The following RSPH9 variants were observed in gnomAD, a reference collection of about 807,000 sequenced individuals.
RSPH9 encodes radial spoke head protein 9 homolog.
RSPH9 carries 27 observed loss-of-function variants against 27.0 expected under a neutral mutation model. That is an observed-to-expected ratio of 1.00 (90% CI 0.74 to 1.38). The LOEUF (loss-of-function observed/expected upper bound fraction) is 1.38, where lower values mean the gene tolerates loss of function less well. Ranked by LOEUF, RSPH9 falls within the 40% of genes most tolerant of loss-of-function variation. RSPH9 has a pLI of 0.00. For missense variants in RSPH9, 347 were observed against 357.4 expected (o/e 0.97, Z 0.24); for synonymous variants, 145 against 147.7 (o/e 0.98, Z 0.13).
intron 1 of RSPH9, among the ~76,000 whole-genome samples, chr6:43,649,065 G>A (rs1771173613): frequency 6.6e-6 from 1 of 152,146 alleles, no homozygotes; most frequent in Non-Finnish European, 1.5e-5. Context: ...TTGTTGTTCT[G>A]AGATTATTGT....
At position 43,645,051 on chromosome 6, in the gene RSPH9, C is replaced by T; in HGVS notation, c.-48C>T. ...GCGGAGCTTCAGGTCTCCATGGAGG[C>T]GGCTTCTCCTAGCAACTCGACGGGC... On this transcript the variant is annotated 5_prime_UTR_variant, in exon 1 of 5. Transcript: ENST00000372163. 6.6e-7 allele frequency: 1 copy of T among 1,525,030 alleles called. No individual in the cohort carries two copies. The highest frequency in any genetic ancestry group is 9.0e-7 in the Non-Finnish European group (1 of 1,109,864). 94.5% of individuals were successfully genotyped at this position (1,525,030 alleles called of 1,614,324 possible).
intron 2 of RSPH9, among the ~76,000 whole-genome samples, chr6:43,651,476 A>C (rs1193621703): frequency 6.6e-6 from 1 of 152,118 alleles, no homozygotes; most frequent in Non-Finnish European, 1.5e-5. Context: ...GAATATAGTA[A>C]AGTTTCCTCC....
rs1464417910 is a variant in RSPH9, at chr6:43,645,246, A to G, written c.148A>G (p.Ile50Val). 6.2e-7 allele frequency: 1 copy of G among 1,614,052 alleles called. No homozygotes were observed. The highest frequency in any genetic ancestry group is 1.1e-5 in the South Asian group (1 of 91,084). ...RYDRVLFWGR[I>V]LGLVADYYIA... Reference sequence around the variant, plus strand: ...TGATCGGGTTCTCTTCTGGGGCCGCATCCTTGGCCTCGTCGCCGATTACTA... The same window carrying G: ...TGATCGGGTTCTCTTCTGGGGCCGCGTCCTTGGCCTCGTCGCCGATTACTA... Residue 50 changes from isoleucine (I) to valine (V), a missense_variant, in exon 1 of 5, where the codon ATC (isoleucine) becomes GTC (valine). Coordinates refer to ENST00000372163, the MANE Select transcript of RSPH9 (RefSeq NM_152732.5).
At position 43,653,600 on chromosome 6, in the gene RSPH9, C is replaced by T. The variant is rs531309423; in HGVS notation, c.394-1962C>T. On this transcript the variant is annotated intron_variant, in intron 2 of 4. Coordinates refer to ENST00000372163, the MANE Select transcript of RSPH9 (RefSeq NM_152732.5). ...CCCAGAATTCAAAGCACAGCTGTTG[C>T]ACTTGAACCTGGGTGATGCCGAAAG... Among the ~76,000 whole-genome samples the T allele has an allele frequency of 2.1e-4, 32 of 152,274 alleles. No individual in the cohort carries two copies. The Middle Eastern group carries it at 0.01, about 49-fold the overall frequency.
intron 2 of RSPH9, among the ~76,000 whole-genome samples, chr6:43,652,305 C>CA (rs1302502064): frequency 1.6e-3 from 141 of 86,418 alleles, no homozygotes; most frequent in African/African-American, 2.7e-3. Context: ...GACTCTGTCT[C>CA]AAAAAAAAAA....
intron 4 of RSPH9, among the ~76,000 whole-genome samples, chr6:43,663,171 G>A (rs1232432749): frequency 6.6e-6 from 1 of 152,114 alleles, no homozygotes; most frequent in Non-Finnish European, 1.5e-5. Context: ...TGAGAGGCGT[G>A]AGATTCTTCC....
At chr6:43,666,256 G>A (rs946861939) in intron 4 of RSPH9, among the ~76,000 whole-genome samples, 2 of 152,224 alleles carry the variant, frequency 1.3e-5, no homozygotes, top group Admixed American at 1.3e-4. Flanking sequence ...TAGGAAAAGA[G>A]CAGTCTGAGC....
At chr6:43,669,733 A>AT (rs1179961228) in intron 4 of RSPH9, among the ~76,000 whole-genome samples, 4 of 152,210 alleles carry the variant, frequency 2.6e-5, no homozygotes, top group Admixed American at 6.5e-5. Flanking sequence ...TCCAGAGGCG[A>AT]TTTTCCCAGG....
chr6:43,649,804 C>T (rs1385497483), intron 1 of RSPH9, among the ~76,000 whole-genome samples: 1 of 152,180 alleles, frequency 6.6e-6, no homozygotes, highest in Non-Finnish European at 1.5e-5. Flanking sequence ...GTTCAGCTAC[C>T]AGAAACTCAT....
intron 1 of RSPH9, among the ~76,000 whole-genome samples, chr6:43,648,709 G>A (rs578230242): frequency 1.8e-4 from 27 of 152,326 alleles, no homozygotes; most frequent in African/African-American, 6.3e-4. Context: ...GTTAGGAGTC[G>A]ATGGCAATAT....
chr6:43,650,051 C>T (rs1234938098), intron 1 of RSPH9, among the ~76,000 whole-genome samples: 3 of 152,136 alleles, frequency 2.0e-5, no homozygotes, highest in Admixed American at 2.0e-4. Flanking sequence ...GTAGCTGGGA[C>T]TACAGGCATG....
intron 4 of RSPH9, among the ~76,000 whole-genome samples, chr6:43,663,965 G>A (rs1772880735): frequency 6.6e-6 from 1 of 151,150 alleles, no homozygotes; most frequent in African/African-American, 2.4e-5. Context: ...GGAGGCAGAG[G>A]TGGCAGTGAG....
At chr6:43,657,450 C>T (rs1355706125) in intron 4 of RSPH9, among the ~76,000 whole-genome samples, 1 of 152,196 alleles carries the variant, frequency 6.6e-6, no homozygotes, top group Non-Finnish European at 1.5e-5. Context: ...CCCCATTTTA[C>T]AGATGAAGAA....
At chr6:43,666,442 A>G (rs1281366910) in intron 4 of RSPH9, 1 of 1,549,786 alleles carries the variant, frequency 6.5e-7, no homozygotes, top group East Asian at 2.4e-5. Context: ...GCAGTTGTTC[A>G]GGGTGACTTC....
Position 43,645,194 on chromosome 6 carries a change from T to C in RSPH9, c.96T>C (p.Leu32=), listed in dbSNP as rs897477741. The C allele has an allele frequency of 6.2e-7, 1 of 1,613,936 alleles. No individual in the cohort carries two copies. The highest frequency in any genetic ancestry group is 8.5e-7 in the Non-Finnish European group (1 of 1,179,996). Residue 32 remains leucine, a synonymous_variant, in exon 1 of 5, where the codon CTT becomes CTC. Coordinates refer to ENST00000372163, the MANE Select transcript of RSPH9 (RefSeq NM_152732.5). Reference sequence around the variant, plus strand: ...GTCGGGCCTCGCTGCTCACGTCTCTTATGCTGGTTAAGCGCGACTACCGCT... The same window carrying C: ...GTCGGGCCTCGCTGCTCACGTCTCTCATGCTGGTTAAGCGCGACTACCGCT... The part of the protein sequence containing the change: ...PDRRASLLTS[L]MLVKRDYRYD...
intron 4 of RSPH9, among the ~76,000 whole-genome samples, chr6:43,668,570 C>G (rs1403385141): frequency 6.6e-6 from 1 of 152,210 alleles, no homozygotes; most frequent in Non-Finnish European, 1.5e-5. Flanking sequence ...CTGCCCCCCG[C>G]CCCCTGCATT....
chr6:43,651,852 C>T (rs1011407637), intron 2 of RSPH9, among the ~76,000 whole-genome samples: 8 of 151,792 alleles, frequency 5.3e-5, no homozygotes, highest in African/African-American at 1.2e-4. Context: ...CACAGTCTGA[C>T]GTTAACTATT....
intron 4 of RSPH9, among the ~76,000 whole-genome samples, chr6:43,662,906 C>G (rs1772782063): frequency 6.6e-6 from 1 of 151,974 alleles, no homozygotes; most frequent in Non-Finnish European, 1.5e-5. Context: ...AAGCAATCCT[C>G]CTGCCTCAAC....
In RSPH9 at chr6:43,645,090, G is replaced by T; in HGVS notation, c.-9G>T. 6.2e-7 allele frequency: 1 copy of T among 1,608,944 alleles called. No homozygotes were observed. The highest frequency in any genetic ancestry group is 8.5e-7 in the Non-Finnish European group (1 of 1,179,170). On this transcript the variant is annotated 5_prime_UTR_variant, in exon 1 of 5. Transcript: ENST00000372163. ...AACTCGACGGGCGTTGAGCGGAGCC[G>T]CTGACCTGATGGACGCCGACAGCCT...
Sources: gnomAD v4.1 joint callset for allele counts (sites outside exome capture counted in the v4.1 genomes callset) on GRCh38, gnomAD v4.1.1 for gene constraint, MANE v1.5 for transcripts, NCBI Gene and HGNC (gene_info 2026-07-23, HGNC 2026-07-21) for gene names.